PDE8B: variants seen among roughly 807,000 people sequenced by gnomAD.
PDE8B encodes the protein phosphodiesterase 8B.
A neutral mutation model predicts 101.3 loss-of-function variants in PDE8B; 26 were observed. That is an observed-to-expected ratio of 0.26 (90% CI 0.19 to 0.36). PDE8B has a LOEUF of 0.36. Ranked by LOEUF, PDE8B falls within the 10% of genes least tolerant of loss-of-function variation. The pLI is 1.00. For missense variants in PDE8B, 810 were observed against 1,163.1 expected (o/e 0.70, Z 4.42); for synonymous variants, 424 against 429.3 (o/e 0.99, Z 0.15).
At chr5:77,392,146 C>T (rs778766464) in intron 10 of PDE8B, among the ~76,000 whole-genome samples, 42 of 152,220 alleles carry the variant, frequency 2.8e-4, no homozygotes, top group Non-Finnish European at 5.6e-4. Context: ...ATGGACTGAG[C>T]AGAAGAGTTG....
rs576938162 is a variant in PDE8B at position 77,375,750 on chromosome 5, C to T, written c.1167+22344C>T. 9.2e-5 allele frequency among the ~76,000 whole-genome samples: 14 copies of T among 151,990 alleles called. No homozygotes were observed. In the South Asian group the frequency reaches 1.5e-3, roughly 16 times the overall value. On this transcript the variant is annotated intron_variant, in intron 10 of 21. Transcript: ENST00000264917. ...GCGTGGGCTTGGGTGGCATTTTTAT[C>T]GTGTCTGGAAGGAAAAAACTGCTCA...
the PDE8B span, chr5:77,119,656 CAAAAAAAAAAA>C: frequency 1.7e-5 from 1 of 60,250 alleles, no homozygotes; most frequent in Non-Finnish European, 3.4e-5. Flanking sequence ...GACTCTGTCT[CAAAAAAAAAAA>C]AAAAAAAAAA....
At chr5:77,395,677 A>C (rs1790890686) in intron 10 of PDE8B, among the ~76,000 whole-genome samples, 1 of 152,000 alleles carries the variant, frequency 6.6e-6, no homozygotes, top group Non-Finnish European at 1.5e-5. Context: ...GGCTTCCTGA[A>C]CTTTTAATTT....
At chr5:77,412,326 C>A in intron 16 of PDE8B, 91 bp downstream of exon 16, 1 of 1,335,940 alleles carries the variant, frequency 7.5e-7, no homozygotes, top group South Asian at 1.2e-5. Flanking sequence ...CATGTTTTTG[C>A]TGTGAGAGAC....
chr5:77,215,217 G>T (rs1360214083), intron 1 of PDE8B, among the ~76,000 whole-genome samples: 3 of 152,174 alleles, frequency 2.0e-5, no homozygotes, highest in African/African-American at 7.2e-5. Context: ...CTAATGTCTT[G>T]CTTTGCCACC....
the PDE8B span, among the ~76,000 whole-genome samples, chr5:77,117,109 CT>C: frequency 2.0e-5 from 3 of 152,208 alleles, no homozygotes; most frequent in African/African-American, 7.2e-5. Context: ...AGAAATCACC[CT>C]TCATCTAGAT....
intron 1 of PDE8B, among the ~76,000 whole-genome samples, chr5:77,274,413 A>G (rs1468196306): frequency 2.0e-5 from 3 of 152,190 alleles, no homozygotes; most frequent in Non-Finnish European, 4.4e-5. Context: ...GGACCCATTC[A>G]TAAGACTGAC....
At chr5:77,088,176 T>TA in the PDE8B span, 1 of 152,220 alleles carries the variant, frequency 6.6e-6, no homozygotes, top group African/African-American at 2.4e-5. Flanking sequence ...AAACCCCTTA[T>TA]GGGAGGTGGA....
At chr5:77,198,223 T>G in the PDE8B span, among the ~76,000 whole-genome samples, 1 of 152,170 alleles carries the variant, frequency 6.6e-6, no homozygotes, top group South Asian at 2.1e-4. Flanking sequence ...CCAACTGGAT[T>G]CTCTACTGAA....
At chr5:77,256,128 T>C (rs919090691) in intron 1 of PDE8B, among the ~76,000 whole-genome samples, 2 of 152,196 alleles carry the variant, frequency 1.3e-5, no homozygotes, top group African/African-American at 4.8e-5. Context: ...TTATCAAACT[T>C]TTTTCCAAAC....
intron 8 of PDE8B, 92 bp downstream of exon 8, chr5:77,349,651 T>C: frequency 7.3e-7 from 1 of 1,365,172 alleles, no homozygotes; most frequent in South Asian, 1.2e-5. Flanking sequence ...GATTAGCTTT[T>C]TTAATAATGT....
At chr5:77,133,242 C>G in the PDE8B span, among the ~76,000 whole-genome samples, 1 of 152,210 alleles carries the variant, frequency 6.6e-6, no homozygotes, top group African/African-American at 2.4e-5. Flanking sequence ...AGGCTGATGA[C>G]TAGCCCACTG....
At chr5:77,173,737 C>T in the PDE8B span, among the ~76,000 whole-genome samples, 49 of 152,006 alleles carry the variant, frequency 3.2e-4, no homozygotes, top group African/African-American at 9.9e-4. Context: ...CCCTTTCTCC[C>T]CCCATCTCAT....
chr5:77,124,804 G>T, the PDE8B span, among the ~76,000 whole-genome samples: 4 of 152,030 alleles, frequency 2.6e-5, no homozygotes, highest in Non-Finnish European at 5.9e-5. Flanking sequence ...AGGAAAAGAA[G>T]CTACCCAAAG....
chr5:77,186,698 C>G, the PDE8B span, among the ~76,000 whole-genome samples: 1 of 152,272 alleles, frequency 6.6e-6, no homozygotes, highest in South Asian at 2.1e-4. Context: ...CCTTGGGCCT[C>G]CATGATTGGA....
At chr5:77,224,772 C>G (rs1751955056) in intron 1 of PDE8B, among the ~76,000 whole-genome samples, 1 of 152,138 alleles carries the variant, frequency 6.6e-6, no homozygotes, top group African/African-American at 2.4e-5. Flanking sequence ...TGTGAGTTCC[C>G]TTTCCTCTCT....
At chr5:77,181,872 G>A in the PDE8B span, among the ~76,000 whole-genome samples, 51 of 152,192 alleles carry the variant, frequency 3.4e-4, no homozygotes, top group Non-Finnish European at 7.3e-4. Context: ...CCCAGGGGAG[G>A]CGAGGGCCAG....
At chr5:77,264,422 A>G (rs1192673611) in intron 1 of PDE8B, among the ~76,000 whole-genome samples, 2 of 152,174 alleles carry the variant, frequency 1.3e-5, no homozygotes, top group African/African-American at 2.4e-5. Flanking sequence ...TTTTGCCAAC[A>G]CTTGTTATTA....
At chr5:77,411,506 T>G (rs1489470635) in intron 14 of PDE8B, among the ~76,000 whole-genome samples, 170 bp from the exon 15 acceptor site, 1 of 152,014 alleles carries the variant, frequency 6.6e-6, no homozygotes, top group Non-Finnish European at 1.5e-5. Flanking sequence ...GAAGGGAGAG[T>G]ATCATCTGTC....
Sources: allele counts gnomAD v4.1 joint callset (sites outside exome capture counted in the v4.1 genomes callset), GRCh38; gene constraint gnomAD v4.1.1; transcripts MANE v1.5; gene names NCBI Gene and HGNC (gene_info 2026-07-23, HGNC 2026-07-21).